The following FAM107B variants were observed in gnomAD, a reference collection of about 807,000 sequenced individuals.
FAM107B encodes the protein family with sequence similarity 107 member B.
FAM107B carries 21 observed loss-of-function variants against 31.5 expected under a neutral mutation model. The ratio of observed to expected loss-of-function variants is 0.67; its 90% CI spans 0.47 to 0.96. The LOEUF (loss-of-function observed/expected upper bound fraction) is 0.96. Among genes scored for constraint, FAM107B ranks in the 40% least tolerant of loss-of-function variants. The pLI is 0.00. For synonymous variants in FAM107B, 157 were observed against 141.5 expected (o/e 1.11, Z -0.78); for missense variants, 452 against 377.1 (o/e 1.20, Z -1.64).
chr10:14,661,218 C>T (rs544415146), intron 2 of FAM107B, among the ~76,000 whole-genome samples: 1 of 152,290 alleles, frequency 6.6e-6, no homozygotes, highest in African/African-American at 2.4e-5. Flanking sequence ...TAGTTCTTTA[C>T]AGCAATGCAA....
chr10:14,774,231 C>A (rs557049783), intron 1 of FAM107B, 22 bp downstream of exon 1: 4 of 1,584,106 alleles, frequency 2.5e-6, no homozygotes, highest in East Asian at 4.5e-5. Flanking sequence ...CGTCTATAAT[C>A]GCAGAGCGAA....
At chr10:14,663,665 C>T (rs192839974) in intron 2 of FAM107B, among the ~76,000 whole-genome samples, 6 of 152,206 alleles carry the variant, frequency 3.9e-5, no homozygotes, top group Middle Eastern at 3.4e-3. Context: ...TACCTGATTC[C>T]GGGAAAGGCA....
At chr10:14,634,394 T>C (rs1205306949) in intron 2 of FAM107B, among the ~76,000 whole-genome samples, 2 of 126,020 alleles carry the variant, frequency 1.6e-5, no homozygotes, top group Non-Finnish European at 3.4e-5. Flanking sequence ...AGCGAGACTC[T>C]GTCTCAAAAA....
intron 1 of FAM107B, among the ~76,000 whole-genome samples, chr10:14,762,248 G>T (rs944892917): frequency 1.3e-5 from 2 of 152,146 alleles, no homozygotes; most frequent in Non-Finnish European, 2.9e-5. Context: ...CCAAGTTCAT[G>T]CACTATCTTC....
At chr10:14,629,480 A>ATT (rs1768285913) in intron 2 of FAM107B, among the ~76,000 whole-genome samples, 24 of 108,968 alleles carry the variant, frequency 2.2e-4, no homozygotes, top group African/African-American at 9.2e-4. Flanking sequence ...TAATATATAT[A>ATT]TAACATATAT....
chr10:14,729,339 TG>T (rs1356678301), intron 1 of FAM107B, among the ~76,000 whole-genome samples: 1 of 152,064 alleles, frequency 6.6e-6, no homozygotes, highest in Non-Finnish European at 1.5e-5. Flanking sequence ...AAAAGAAAAA[TG>T]AGGTCCAGAA....
At chr10:14,631,373 T>C (rs1261795508) in intron 2 of FAM107B, among the ~76,000 whole-genome samples, 1 of 152,204 alleles carries the variant, frequency 6.6e-6, no homozygotes, top group African/African-American at 2.4e-5. Flanking sequence ...CCTGGGATAA[T>C]CTTGTCTATC....
At chr10:14,710,281 T>C (rs1217989858) in intron 1 of FAM107B, among the ~76,000 whole-genome samples, 1 of 151,986 alleles carries the variant, frequency 6.6e-6, no homozygotes, top group African/African-American at 2.4e-5. Context: ...ACTCCATCTC[T>C]ACAAAAAATG....
intron 1 of FAM107B, among the ~76,000 whole-genome samples, chr10:14,772,559 A>G (rs1330429330): frequency 6.6e-6 from 1 of 151,962 alleles, no homozygotes; most frequent in Non-Finnish European, 1.5e-5. Context: ...CAGTGTTTGC[A>G]TTGCATCACT....
intron 2 of FAM107B, among the ~76,000 whole-genome samples, chr10:14,659,448 A>AACAAAACAAT (rs1854166868): frequency 6.6e-6 from 1 of 151,792 alleles, no homozygotes; most frequent in Non-Finnish European, 1.5e-5. Flanking sequence ...CTCAAAACAA[A>AACAAAACAAT]ACAAAACAAA....
intron 2 of FAM107B, among the ~76,000 whole-genome samples, chr10:14,540,607 A>G (rs1245622500): frequency 6.6e-6 from 1 of 152,150 alleles, no homozygotes; most frequent in Non-Finnish European, 1.5e-5. Flanking sequence ...CGCCACCAGC[A>G]GTCCAGGCAG....
At chr10:14,528,828 T>C (rs1846619462) in intron 3 of FAM107B, among the ~76,000 whole-genome samples, 1 of 152,234 alleles carries the variant, frequency 6.6e-6, no homozygotes, top group Non-Finnish European at 1.5e-5. Context: ...CTACTAAATA[T>C]ATTTTTGCAG....
chr10:14,772,578 C>T (rs570924150), intron 1 of FAM107B, among the ~76,000 whole-genome samples: 16 of 152,216 alleles, frequency 1.1e-4, no homozygotes, highest in Non-Finnish European at 2.1e-4. Flanking sequence ...CTGCTTCCCT[C>T]CCTGCCTGGT....
chr10:14,645,840 A>G (rs61426049), intron 2 of FAM107B, among the ~76,000 whole-genome samples: 5,831 of 152,296 alleles, frequency 0.038, 177 homozygotes, highest in East Asian at 0.13. Flanking sequence ...AACATTGATG[A>G]AAAATAACCC....
In FAM107B at chr10:14,677,491, G is replaced by A. The variant is rs542201093; in HGVS notation, c.412-9800C>T. On this transcript the variant is annotated intron_variant, in intron 1 of 4. Coordinates refer to ENST00000181796, the MANE Select transcript of FAM107B (RefSeq NM_031453.4). Reference sequence around the variant, plus strand: ...AAAAAATTAGCCGGGCGTGGTGGTGGGCGCCTGTAGTCCCAGCTACTCGGC... The same window carrying A: ...AAAAAATTAGCCGGGCGTGGTGGTGAGCGCCTGTAGTCCCAGCTACTCGGC... Among the ~76,000 whole-genome samples, 8 of 152,208 alleles carry A rather than the reference G, an allele frequency of 5.3e-5. No homozygotes were observed. The South Asian group carries it at 1.7e-3, about 32-fold the overall frequency.
intron 1 of FAM107B, among the ~76,000 whole-genome samples, chr10:14,688,016 G>T (rs1216411749): frequency 6.6e-6 from 1 of 152,196 alleles, no homozygotes; most frequent in Non-Finnish European, 1.5e-5. Flanking sequence ...GGCTGGGAAA[G>T]GCAGACCCAC....
intron 2 of FAM107B, among the ~76,000 whole-genome samples, chr10:14,573,082 C>T (rs868267979): frequency 6.6e-6 from 1 of 152,118 alleles, no homozygotes; most frequent in African/African-American, 2.4e-5. Context: ...GCACCAAGCC[C>T]AGTGCATGGC....
At chr10:14,691,893 C>CAAAA (rs58734762) in intron 1 of FAM107B, among the ~76,000 whole-genome samples, 9,347 of 128,946 alleles carry the variant, frequency 0.072, 1,127 homozygotes, top group African/African-American at 0.26. Flanking sequence ...GACTCTGTCA[C>CAAAA]AAAAAAAAAA....
intron 2 of FAM107B, among the ~76,000 whole-genome samples, chr10:14,621,159 T>C (rs1456009755): frequency 1.3e-5 from 2 of 152,178 alleles, no homozygotes; most frequent in Non-Finnish European, 2.9e-5. Flanking sequence ...TTTCTTAGGT[T>C]CTCTGTTTTT....
Sources: gnomAD v4.1 joint callset for allele counts (sites outside exome capture counted in the v4.1 genomes callset) on GRCh38, gnomAD v4.1.1 for gene constraint, MANE v1.5 for transcripts, NCBI Gene and HGNC (gene_info 2026-07-23, HGNC 2026-07-21) for gene names.